Variants in NTRK3 observed in about 807,000 individuals in gnomAD.
NTRK3 encodes the protein neurotrophic receptor tyrosine kinase 3.
A neutral mutation model predicts 91.7 loss-of-function variants in NTRK3; 24 were observed. That is an observed-to-expected ratio of 0.26 (90% CI 0.19 to 0.37). The LOEUF (loss-of-function observed/expected upper bound fraction) is 0.37, where lower values mean the gene tolerates loss of function less well. Among genes scored for constraint, NTRK3 ranks in the 10% least tolerant of loss-of-function variants. The pLI is 1.00. For missense variants in NTRK3, 880 were observed against 1,068.9 expected (o/e 0.82, Z 2.46); for synonymous variants, 483 against 404.0 (o/e 1.20, Z -2.34).
At chr15:87,863,302 C>T (rs1256596306) in exon 19 of NTRK3, 2 of 225,262 alleles carry the variant, frequency 8.9e-6, no homozygotes, top group Non-Finnish European at 1.8e-5. Flanking sequence ...TAAAGGAAAA[C>T]AAAACAACTG....
chr15:87,940,463 T>G (rs936833764), intron 15 of NTRK3, among the ~76,000 whole-genome samples, 160 bp downstream of exon 15: 3 of 152,204 alleles, frequency 2.0e-5, no homozygotes, highest in African/African-American at 7.2e-5. Context: ...GAAGTTGTTT[T>G]GGTCCCTAGG....
rs1187439955 is a variant in NTRK3, at chr15:88,046,370, G to GA, written c.1397-13326dup. ...CTGAGCTAGGGACTAGAAAAGGGGAGAAAAAAGACACAACCTCAGCCTGAA... is the reference window on the plus strand; with the variant it reads ...CTGAGCTAGGGACTAGAAAAGGGGAGAAAAAAAGACACAACCTCAGCCTGAA... On this transcript the variant is annotated intron_variant, in intron 13 of 18. Coordinates refer to ENST00000394480, the Ensembl canonical transcript of NTRK3. Among the ~76,000 whole-genome samples the GA allele has an allele frequency of 1.5e-4, 23 of 152,172 alleles. No homozygotes were observed. The East Asian group carries it at 4.2e-3, about 28-fold the overall frequency.
At chr15:88,003,071 G>A (rs2076232538) in intron 14 of NTRK3, among the ~76,000 whole-genome samples, 1 of 152,200 alleles carries the variant, frequency 6.6e-6, no homozygotes. Flanking sequence ...CATGCTTAAG[G>A]TTGAGAAGAA....
intron 14 of NTRK3, among the ~76,000 whole-genome samples, chr15:87,984,270 G>A (rs551422028): frequency 5.3e-5 from 8 of 152,204 alleles, no homozygotes; most frequent in African/African-American, 1.2e-4. Context: ...GGACAGAAAC[G>A]AGTGAATCTT....
chr15:87,955,331 G>C (rs1406816329), intron 14 of NTRK3, among the ~76,000 whole-genome samples: 1 of 152,188 alleles, frequency 6.6e-6, no homozygotes, highest in East Asian at 1.9e-4. Flanking sequence ...GAGCTATAGA[G>C]AACTCTGACT....
intron 5 of NTRK3, among the ~76,000 whole-genome samples, chr15:88,160,573 T>C (rs1488653991): frequency 6.6e-6 from 1 of 152,172 alleles, no homozygotes; most frequent in East Asian, 1.9e-4. Context: ...ATAGCTGGAC[T>C]TCCTCTGCCC....
In NTRK3 at chr15:87,929,418, C is replaced by A. The variant is rs765690534; in HGVS notation, c.1906G>T (p.Ala636Ser). Residue 636 changes from alanine to serine, a missense_variant, in exon 17 of 19, where the codon GCA becomes TCA. Physicochemically the swap from Ala to Ser is moderately conservative, Grantham distance 99. Transcript: ENST00000394480. ...GGCTGTCCATCCACAAGGATCATTG[C>A]ATCTGGCCCATGGGCCCTGCAAGAG... The A allele has an allele frequency of 1.9e-6, 3 of 1,614,048 alleles. No individual in the cohort carries two copies. The Admixed American group carries it at 5.0e-5, about 27-fold the overall frequency.
rs1310082483 is a variant in NTRK3, at chr15:87,940,580, C to T, written c.1716+43G>A. 5.0e-6 allele frequency: 8 copies of T among 1,612,582 alleles called. No homozygotes were observed. The Admixed American group carries it at 8.3e-5, about 17-fold the overall frequency. ...CCTCTTCCTTCCCTCCCTGGGCCCTCAGCCAGCCCTCCTCCTGGTGCCGGC... is the reference window on the plus strand; with the variant it reads ...CCTCTTCCTTCCCTCCCTGGGCCCTTAGCCAGCCCTCCTCCTGGTGCCGGC... On this transcript the variant is annotated intron_variant, in intron 15 of 18. Transcript: ENST00000394480.
intron 17 of NTRK3, among the ~76,000 whole-genome samples, chr15:87,909,146 A>G (rs2066939612): frequency 6.6e-6 from 1 of 151,930 alleles, no homozygotes; most frequent in African/African-American, 2.4e-5. Context: ...AACTCACTGA[A>G]TGTCACCACC....
At chr15:87,909,974 T>G (rs376369204) in intron 17 of NTRK3, among the ~76,000 whole-genome samples, 1 of 152,140 alleles carries the variant, frequency 6.6e-6, no homozygotes, top group Non-Finnish European at 1.5e-5. Flanking sequence ...TGTGGAGCAC[T>G]GCTATGGCAG....
At chr15:88,046,005 A>G (rs958037357) in intron 13 of NTRK3, among the ~76,000 whole-genome samples, 7 of 152,214 alleles carry the variant, frequency 4.6e-5, no homozygotes, top group African/African-American at 7.2e-5. Context: ...TAAGACTTCA[A>G]CATATCTTTT....
chr15:88,188,242 G>C (rs61258628), intron 3 of NTRK3, among the ~76,000 whole-genome samples: 1 of 152,212 alleles, frequency 6.6e-6, no homozygotes, highest in Non-Finnish European at 1.5e-5. Context: ...AGAGGGCAAA[G>C]GGGTGGCACA....
At chr15:87,958,904 A>G (rs2071950400) in intron 14 of NTRK3, among the ~76,000 whole-genome samples, 1 of 152,170 alleles carries the variant, frequency 6.6e-6, no homozygotes, top group Admixed American at 6.6e-5. Flanking sequence ...AACCCAAGTT[A>G]AGAGTAACAG....
At chr15:87,884,428 CA>C (rs1027599629) in intron 17 of NTRK3, among the ~76,000 whole-genome samples, 1 of 151,306 alleles carries the variant, frequency 6.6e-6, no homozygotes, top group African/African-American at 2.4e-5. Context: ...TTTTTCAAAG[CA>C]AAAAAAGATA....
intron 13 of NTRK3, among the ~76,000 whole-genome samples, chr15:88,113,548 T>A (rs1017968017): frequency 3.3e-5 from 5 of 152,160 alleles, no homozygotes; most frequent in African/African-American, 4.8e-5. Flanking sequence ...ACTCTTGACC[T>A]CAGGTGATCC....
chr15:88,152,029 C>T (rs1341347104), intron 5 of NTRK3, among the ~76,000 whole-genome samples: 2 of 152,094 alleles, frequency 1.3e-5, no homozygotes, highest in East Asian at 1.9e-4. Context: ...AGCCGGGCGC[C>T]GTGGCTCACA....
intron 13 of NTRK3, among the ~76,000 whole-genome samples, chr15:88,109,424 C>T (rs528128974): frequency 9.6e-4 from 147 of 152,344 alleles, no homozygotes; most frequent in African/African-American, 3.3e-3. Flanking sequence ...GCTCGTCCTT[C>T]CTGAAGCTCC....
exon 19 of NTRK3, chr15:87,876,651 G>T: frequency 4.7e-6 from 1 of 214,622 alleles, no homozygotes; most frequent in Non-Finnish European, 9.3e-6. Context: ...TGTATCAGCA[G>T]CTTCTCTGTG....
chr15:88,171,262 A>G (rs936565075), intron 5 of NTRK3, among the ~76,000 whole-genome samples: 3 of 151,904 alleles, frequency 2.0e-5, no homozygotes, highest in East Asian at 3.9e-4. Context: ...TTCTATCTCA[A>G]TTTCCTCGTT....
Sources: allele counts gnomAD v4.1 joint callset (sites outside exome capture counted in the v4.1 genomes callset), GRCh38; gene constraint gnomAD v4.1.1; transcripts MANE v1.5; gene names NCBI Gene and HGNC (gene_info 2026-07-23, HGNC 2026-07-21).